Variants in SLCO1A2 observed in about 807,000 individuals in gnomAD.
The protein encoded by SLCO1A2 is solute carrier organic anion transporter family member 1A2.
A neutral mutation model predicts 69.0 loss-of-function variants in SLCO1A2; 67 were observed. The observed-to-expected ratio is 0.97, with a 90% confidence interval of 0.80 to 1.19. SLCO1A2 has a LOEUF of 1.19. Ranked by LOEUF, SLCO1A2 falls within the 50% of genes most tolerant of loss-of-function variation. The pLI, the probability that SLCO1A2 is intolerant of heterozygous loss-of-function variation, is 0.00. For synonymous variants in SLCO1A2, 260 were observed against 265.9 expected (o/e 0.98, Z 0.22); for missense variants, 787 against 793.7 (o/e 0.99, Z 0.10).
chr12:21,268,115 A>T lies in SLCO1A2; in HGVS notation c.*1433T>A, dbSNP rs1325043235. 6.6e-6 allele frequency: 1 copy of T among 151,986 alleles called. No individual in the cohort carries two copies. Among genetic ancestry groups the T allele is most frequent in the Non-Finnish European group, 1.5e-5 (1 of 67,998 alleles). 9.4% of individuals were successfully genotyped at this position (151,986 alleles called of 1,614,324 possible). A position where few individuals can be genotyped will look rare whatever the true frequency, so the allele number is the denominator to read the frequency against. The stretch of plus-strand genomic sequence containing the variant: ...CTTTTTTCATATGATGCATCTGATC[A>T]TTTAGGAAATCATATTAACCTGTAA... On this transcript the variant is annotated 3_prime_UTR_variant, in exon 15 of 15. Coordinates refer to ENST00000683939, the MANE Select transcript of SLCO1A2 (RefSeq NM_001386879.1).
At chr12:21,352,665 G>A (rs1227208373) in intron 2 of SLCO1A2, among the ~76,000 whole-genome samples, 2 of 152,178 alleles carry the variant, frequency 1.3e-5, no homozygotes, top group African/African-American at 4.8e-5. Context: ...TATTTGTTCA[G>A]AATACACAAG....
chr12:21,393,338 GA>G (rs1941254446), intron 1 of SLCO1A2, among the ~76,000 whole-genome samples: 1 of 152,046 alleles, frequency 6.6e-6, no homozygotes, highest in Non-Finnish European at 1.5e-5. Context: ...CTAAACCTTA[GA>G]AAACCAGTTT....
At position 21,340,093 on chromosome 12, in the gene SLCO1A2, A is replaced by G. The variant is rs79188414; in HGVS notation, c.-62-5384T>C. Among the ~76,000 whole-genome samples, 21 of 152,102 alleles carry G rather than the reference A, an allele frequency of 1.4e-4. No individual in the cohort carries two copies. The East Asian group carries it at 3.3e-3, about 24-fold the overall frequency. ...TCTCAGTAAGAAAAAAATTCAGGAGATTTACAATGTGCATAATTGGTCAGC... is the reference window on the plus strand; with the variant it reads ...TCTCAGTAAGAAAAAAATTCAGGAGGTTTACAATGTGCATAATTGGTCAGC... On this transcript the variant is annotated intron_variant, in intron 2 of 15. Coordinates refer to the SLCO1A2 transcript ENST00000307378.
At chr12:21,397,269 A>G (rs2137178078), upstream of SLCO1A2, among the ~76,000 whole-genome samples, 1 of 151,322 alleles carries the variant, frequency 6.6e-6, no homozygotes, top group African/African-American at 2.4e-5. Context: ...ATCAAAAGAG[A>G]CAAAGAAGGC....
intron 2 of SLCO1A2, among the ~76,000 whole-genome samples, chr12:21,325,833 A>G (rs1952182219): frequency 6.6e-6 from 1 of 152,086 alleles, no homozygotes; most frequent in African/African-American, 2.4e-5. Flanking sequence ...TAATTACCCC[A>G]GTGTTTTATT....
At position 21,400,571 on chromosome 12, in the gene SLCO1A2, T is replaced by C. The variant is rs1363172127; in HGVS notation, c.-312+17311A>G. 2.0e-5 allele frequency among the ~76,000 whole-genome samples: 3 copies of C among 151,956 alleles called. No homozygotes were observed. In the East Asian group the frequency reaches 5.8e-4, roughly 29 times the overall value. ...TAAATCATGCTGCTATAAAGACACA[T>C]GCACATGTATGTTTATTGCGGCTCT... On this transcript the variant is annotated intron_variant, in intron 1 of 4. Coordinates refer to the SLCO1A2 transcript ENST00000413682.
intron 1 of SLCO1A2, among the ~76,000 whole-genome samples, chr12:21,386,754 A>G (rs1183521682): frequency 6.6e-6 from 1 of 152,046 alleles, no homozygotes; most frequent in African/African-American, 2.4e-5. Context: ...GCACTGCTGT[A>G]AATATACCTA....
At chr12:21,404,535 C>A (rs1941790768) in intron 1 of SLCO1A2, among the ~76,000 whole-genome samples, 1 of 152,116 alleles carries the variant, frequency 6.6e-6, no homozygotes, top group Non-Finnish European at 1.5e-5. Flanking sequence ...TGGCTTCCAG[C>A]TCCATCCATG....
chr12:21,292,123 A>G (rs1398526086), intron 12 of SLCO1A2, 41 bp downstream of exon 12: 2 of 1,431,932 alleles, frequency 1.4e-6, no homozygotes, highest in Admixed American at 2.5e-5. Context: ...ACCTTAATAA[A>G]TGACCCCAAA....
chr12:21,392,392 C>G (rs1941204285), intron 1 of SLCO1A2, among the ~76,000 whole-genome samples: 1 of 152,134 alleles, frequency 6.6e-6, no homozygotes, highest in South Asian at 2.1e-4. Context: ...CAGCCACAGC[C>G]TTTTTGCCTT....
At chr12:21,289,978 G>C (rs185347205) in intron 12 of SLCO1A2, among the ~76,000 whole-genome samples, 1 of 151,694 alleles carries the variant, frequency 6.6e-6, no homozygotes, top group Non-Finnish European at 1.5e-5. Flanking sequence ...GAAGTGTTCT[G>C]TTTGAATAGA....
chr12:21,298,188 G>A (rs1042235962), intron 8 of SLCO1A2, among the ~76,000 whole-genome samples: 1 of 152,100 alleles, frequency 6.6e-6, no homozygotes, highest in African/African-American at 2.4e-5. Flanking sequence ...CCAACATCCA[G>A]GTCCCATCCT....
intron 14 of SLCO1A2, 172 bp downstream of exon 14, chr12:21,274,297 A>G: frequency 3.9e-6 from 2 of 511,546 alleles, no homozygotes; most frequent in Non-Finnish European, 7.0e-6. Flanking sequence ...ATAATGGGAA[A>G]ATACAATTCT....
At chr12:21,388,067 T>C (rs369590753) in intron 1 of SLCO1A2, among the ~76,000 whole-genome samples, 7 of 152,300 alleles carry the variant, frequency 4.6e-5, no homozygotes, top group African/African-American at 1.4e-4. Context: ...TTTCTCCCAT[T>C]TGGAATGGGT....
chr12:21,337,093 G>A (rs1272462463), upstream of SLCO1A2, among the ~76,000 whole-genome samples: 1 of 151,962 alleles, frequency 6.6e-6, no homozygotes, highest in Non-Finnish European at 1.5e-5. Flanking sequence ...ACAAATAAGA[G>A]GAACTCTACT....
chr12:21,339,065 T>C (rs142056251), upstream of SLCO1A2, among the ~76,000 whole-genome samples: 134 of 152,138 alleles, frequency 8.8e-4, 4 homozygotes, highest in African/African-American at 3.1e-3. Flanking sequence ...GTCATGAAGA[T>C]TGAGTTATAA....
intron 12 of SLCO1A2, among the ~76,000 whole-genome samples, chr12:21,288,496 G>C (rs1482149693): frequency 1.3e-5 from 2 of 152,024 alleles, no homozygotes; most frequent in Non-Finnish European, 2.9e-5. Context: ...GAGCAGAAGG[G>C]TTGTTACCAG....
At chr12:21,378,143 TG>T (rs1239272040) in intron 1 of SLCO1A2, 3 of 1,164,894 alleles carry the variant, frequency 2.6e-6, no homozygotes, top group Non-Finnish European at 3.8e-6. Context: ...ATTGTTTCTT[TG>T]GTTTTCATCA....
rs540014936 is a variant in SLCO1A2 at position 21,363,358 on chromosome 12, A to G, written c.-63+11041T>C. Reference sequence around the variant, plus strand: ...TTCTTTGAAACGAATGAGAACAAAGACACAACATACCAGAATCTCTGGGAC... The same window carrying G: ...TTCTTTGAAACGAATGAGAACAAAGGCACAACATACCAGAATCTCTGGGAC... On this transcript the variant is annotated intron_variant, in intron 2 of 15. Coordinates refer to the SLCO1A2 transcript ENST00000307378. Among the ~76,000 whole-genome samples the G allele has an allele frequency of 2.0e-5, 3 of 152,312 alleles. No homozygotes were observed. The South Asian group carries it at 6.2e-4, about 32-fold the overall frequency.
Sources: allele counts gnomAD v4.1 joint callset (sites outside exome capture counted in the v4.1 genomes callset), GRCh38; gene constraint gnomAD v4.1.1; transcripts MANE v1.5; gene names NCBI Gene and HGNC (gene_info 2026-07-23, HGNC 2026-07-21).